Variants in BMAL1 observed in about 807,000 individuals in gnomAD.
The protein encoded by BMAL1 is basic helix-loop-helix ARNT like 1, also known as basic helix-loop-helix ARNT-like protein 1.
chr11:13,314,657 C>T, the BMAL1 span, among the ~76,000 whole-genome samples: 2 of 152,160 alleles, frequency 1.3e-5, no homozygotes, highest in African/African-American at 4.8e-5. Context: ...GAGGTCCACC[C>T]ACCTTGGTCC....
the BMAL1 span, among the ~76,000 whole-genome samples, chr11:13,330,667 G>T: frequency 7.9e-5 from 12 of 152,322 alleles, no homozygotes; most frequent in African/African-American, 2.6e-4. Context: ...TTAGGAGATG[G>T]GAGGGATAAA....
the BMAL1 span, among the ~76,000 whole-genome samples, chr11:13,313,737 C>T: frequency 9.2e-5 from 14 of 152,170 alleles, no homozygotes; most frequent in African/African-American, 2.4e-4. Context: ...TTCCTATCAA[C>T]GTGATCTTTC....
chr11:13,367,162 C>T, the BMAL1 span, among the ~76,000 whole-genome samples: 4 of 152,294 alleles, frequency 2.6e-5, no homozygotes, highest in East Asian at 7.7e-4. Context: ...GAATTGCACA[C>T]AGGCAGCCTC....
chr11:13,286,866 G>A, the BMAL1 span, among the ~76,000 whole-genome samples: 2 of 152,194 alleles, frequency 1.3e-5, no homozygotes, highest in African/African-American at 4.8e-5. Flanking sequence ...ATAGTTATAA[G>A]TGCCCTTAGG....
the BMAL1 span, among the ~76,000 whole-genome samples, chr11:13,284,138 ATATATGTG>A: frequency 7.5e-3 from 407 of 54,354 alleles, 38 homozygotes; most frequent in African/African-American, 0.023. Context: ...GTATATATAT[ATATATGTG>A]TATATATATA....
chr11:13,326,920 C>G, the BMAL1 span, among the ~76,000 whole-genome samples: 2 of 151,868 alleles, frequency 1.3e-5, no homozygotes, highest in African/African-American at 4.8e-5. Flanking sequence ...CCCGGGTTCA[C>G]GCCAGTCTCC....
the BMAL1 span, among the ~76,000 whole-genome samples, chr11:13,360,141 T>G: frequency 1.3e-5 from 2 of 152,212 alleles, no homozygotes; most frequent in African/African-American, 4.8e-5. Flanking sequence ...GGTAACAGTG[T>G]TCTCTCTTCC....
chr11:13,374,549 C>T, the BMAL1 span, among the ~76,000 whole-genome samples: 1 of 152,200 alleles, frequency 6.6e-6, no homozygotes, highest in African/African-American at 2.4e-5. Context: ...AATGCTGTGG[C>T]TTCATGTGCA....
At chr11:13,285,078 C>G in the BMAL1 span, among the ~76,000 whole-genome samples, 2 of 152,196 alleles carry the variant, frequency 1.3e-5, no homozygotes, top group African/African-American at 4.8e-5. Context: ...TTGGATCTCA[C>G]TTCTCTGTGA....
chr11:13,277,688 G>T, the BMAL1 span: 1 of 110,316 alleles, frequency 9.1e-6, no homozygotes, highest in East Asian at 2.9e-4. Flanking sequence ...GGGCGCTGCG[G>T]CTCCTCCATT....
the BMAL1 span, among the ~76,000 whole-genome samples, chr11:13,294,276 C>A: frequency 6.6e-6 from 1 of 152,142 alleles, no homozygotes; most frequent in Non-Finnish European, 1.5e-5. Context: ...TCACAGTGCG[C>A]TCTAAACTCT....
At chr11:13,278,339 C>T in the BMAL1 span, among the ~76,000 whole-genome samples, 6 of 152,214 alleles carry the variant, frequency 3.9e-5, no homozygotes, top group Admixed American at 2.6e-4. Context: ...GGGGCAGTGA[C>T]TCGGCCGAAG....
At chr11:13,284,122 G>GTATATATATATA in the BMAL1 span, among the ~76,000 whole-genome samples, 4 of 81,438 alleles carry the variant, frequency 4.9e-5, 1 homozygote, top group Non-Finnish European at 7.6e-5. Context: ...ATATATATGT[G>GTATATATATATA]TGTGTGTATA....
the BMAL1 span, among the ~76,000 whole-genome samples, chr11:13,351,943 A>G: frequency 1.3e-5 from 2 of 152,206 alleles, no homozygotes; most frequent in African/African-American, 4.8e-5. Context: ...GTATTCAAGT[A>G]AGTTTATTTT....
At chr11:13,385,040 A>T in the BMAL1 span, among the ~76,000 whole-genome samples, 2 of 152,178 alleles carry the variant, frequency 1.3e-5, no homozygotes, top group African/African-American at 2.4e-5. Context: ...AGCAGCAGCT[A>T]CCAAACTGTT....
At chr11:13,286,825 A>G in the BMAL1 span, among the ~76,000 whole-genome samples, 1 of 152,222 alleles carries the variant, frequency 6.6e-6, no homozygotes, top group Non-Finnish European at 1.5e-5. Context: ...AGGGATAAAA[A>G]TGGTGACTCT....
the BMAL1 span, among the ~76,000 whole-genome samples, chr11:13,346,808 A>G: frequency 6.6e-6 from 1 of 152,184 alleles, no homozygotes; most frequent in Non-Finnish European, 1.5e-5. Context: ...CCAGGACCAC[A>G]GGCTAGGCTC....
the BMAL1 span, chr11:13,386,665 A>C: frequency 6.2e-7 from 1 of 1,614,188 alleles, no homozygotes; most frequent in Non-Finnish European, 8.5e-7. Flanking sequence ...AGTAATGATG[A>C]GGCAGCAATG....
At chr11:13,368,160 C>CT in the BMAL1 span, among the ~76,000 whole-genome samples, 11 of 152,166 alleles carry the variant, frequency 7.2e-5, no homozygotes, top group African/African-American at 2.7e-4. Context: ...CTTTGAGGCT[C>CT]TTAGCATATA....
Sources: allele counts gnomAD v4.1 joint callset (sites outside exome capture counted in the v4.1 genomes callset), GRCh38; gene constraint gnomAD v4.1.1; transcripts MANE v1.5; gene names NCBI Gene and HGNC (gene_info 2026-07-23, HGNC 2026-07-21).